The following PDS5A variants were observed in gnomAD, a reference collection of about 807,000 sequenced individuals.
PDS5A encodes sister chromatid cohesion protein PDS5 homolog A.
Under a neutral mutation model 167.1 loss-of-function variants are expected in PDS5A, and 42 were observed. The observed-to-expected ratio is 0.25, with a 90% CI of 0.20 to 0.33. The LOEUF is 0.33. Ranked by LOEUF, PDS5A falls within the 10% of genes least tolerant of loss-of-function variation. The pLI is 1.00. For synonymous variants in PDS5A, 553 were observed against 554.6 expected (o/e 1.00, Z 0.04); for missense variants, 1,033 against 1,605.9 (o/e 0.64, Z 6.10).
chr4:39,898,583 A>C, intron 15 of PDS5A, 55 bp from the exon 16 acceptor site: 2 of 1,219,510 alleles, frequency 1.6e-6, no homozygotes, highest in Non-Finnish European at 2.2e-6. Flanking sequence ...AAACTATTCT[A>C]CTAAGCTAAA....
chr4:39,957,786 CAAAAA>C (rs34253629), intron 2 of PDS5A, among the ~76,000 whole-genome samples: 2 of 87,792 alleles, frequency 2.3e-5, no homozygotes, highest in Admixed American at 1.3e-4. Context: ...GACTCCATCT[CAAAAA>C]AAAAAAAAAA....
chr4:39,906,008 T>A (rs1184930101), intron 11 of PDS5A, among the ~76,000 whole-genome samples: 5 of 146,358 alleles, frequency 3.4e-5, no homozygotes, highest in African/African-American at 7.6e-5. Context: ...GGAGATGAAG[T>A]AAAAAAAAAA....
At chr4:39,943,762 G>C (rs1400108942) in intron 2 of PDS5A, among the ~76,000 whole-genome samples, 2 of 150,258 alleles carry the variant, frequency 1.3e-5, no homozygotes, top group Non-Finnish European at 3.0e-5. Flanking sequence ...AGCCGAGATC[G>C]TATCACTGCA....
intron 11 of PDS5A, among the ~76,000 whole-genome samples, chr4:39,904,632 T>G (rs1723166979): frequency 6.6e-6 from 1 of 152,204 alleles, no homozygotes; most frequent in Non-Finnish European, 1.5e-5. Context: ...GCGCCCAGCC[T>G]ACAAACAATT....
chr4:39,937,853 T>G (rs1726775219), intron 2 of PDS5A, among the ~76,000 whole-genome samples: 1 of 152,252 alleles, frequency 6.6e-6, no homozygotes, highest in African/African-American at 2.4e-5. Flanking sequence ...CCTCTGGTGG[T>G]GCCCTAAAGC....
At chr4:39,889,143 G>A (rs1302436680) in intron 17 of PDS5A, among the ~76,000 whole-genome samples, 1 of 152,160 alleles carries the variant, frequency 6.6e-6, no homozygotes, top group African/African-American at 2.4e-5. Flanking sequence ...AAGATTGAAT[G>A]GGTGGGGCCT....
intron 2 of PDS5A, 89 bp downstream of exon 2, chr4:39,976,351 G>T: frequency 8.9e-7 from 1 of 1,125,092 alleles, no homozygotes; most frequent in Admixed American, 2.2e-5. Context: ...AAAAAACTTG[G>T]AACTTTAAAG....
intron 2 of PDS5A, among the ~76,000 whole-genome samples, chr4:39,930,585 G>C (rs115477197): frequency 3.4e-4 from 52 of 152,088 alleles, no homozygotes; most frequent in Admixed American, 1.2e-3. Context: ...CATTTTATTT[G>C]CTATTACATT....
intron 32 of PDS5A, among the ~76,000 whole-genome samples, chr4:39,829,795 C>A (rs925776174): frequency 2.6e-5 from 4 of 151,280 alleles, no homozygotes; most frequent in Non-Finnish European, 5.9e-5. Context: ...ACTAAAAATA[C>A]AAAAAATTAG....
At position 39,953,020 on chromosome 4, in the gene PDS5A, C is replaced by T. The variant is rs142452530; in HGVS notation, c.138+23420G>A. ...CTGGGATTACAGGCATGAGCCACCA[C>T]GTCAGTCCAGATCTGGAAATTAAAA... On this transcript the variant is annotated intron_variant, in intron 2 of 32. Transcript: ENST00000303538. 4.8e-3 allele frequency among the ~76,000 whole-genome samples: 732 copies of T among 152,200 alleles called. 8 individuals are homozygous for T. Among genetic ancestry groups the T allele is most frequent in the African/African-American group, 0.016 (660 of 41,548 alleles).
chr4:39,851,150 TAAC>T (rs1718087897), intron 26 of PDS5A, among the ~76,000 whole-genome samples: 2 of 152,128 alleles, frequency 1.3e-5, no homozygotes, highest in Admixed American at 6.6e-5. Context: ...GAATAATGAA[TAAC>T]AACAAATATA....
At chr4:39,904,305 G>A (rs142831080) in intron 11 of PDS5A, 114 bp from the exon 12 acceptor site, 144 of 542,138 alleles carry the variant, frequency 2.7e-4, no homozygotes, top group African/African-American at 2.5e-3. Flanking sequence ...TTATAAACTG[G>A]CACACTATTT....
At chr4:39,841,215 C>G (rs1047834915) in intron 31 of PDS5A, among the ~76,000 whole-genome samples, 1 of 152,238 alleles carries the variant, frequency 6.6e-6, no homozygotes, top group African/African-American at 2.4e-5. Flanking sequence ...TCTTAGCTCA[C>G]TGCAACCTCC....
chr4:39,948,179 G>A (rs1233663236), intron 2 of PDS5A, among the ~76,000 whole-genome samples: 1 of 139,904 alleles, frequency 7.1e-6, no homozygotes, highest in Non-Finnish European at 1.5e-5. Flanking sequence ...TTAAGCTCAG[G>A]AGGTAGGCAA....
rs574495418 is a variant in PDS5A, at chr4:39,823,193, G to A, written c.*2292C>T. The A allele has an allele frequency of 2.1e-4, 32 of 152,514 alleles. No individual in the cohort carries two copies. The highest frequency in any genetic ancestry group is 7.7e-4 in the African/African-American group (32 of 41,508). The allele number at this position is 152,514 out of a possible 1,614,324, so 9.4% of individuals were successfully genotyped here. A position where few individuals can be genotyped will look rare whatever the true frequency, so the allele number is the denominator to read the frequency against. On this transcript the variant is annotated 3_prime_UTR_variant, in exon 33 of 33. Coordinates refer to ENST00000303538, the MANE Select transcript of PDS5A (RefSeq NM_001100399.2). Reference sequence around the variant, plus strand: ...TGAGATGTGAATACCAAATTCCTAAGGGATTTTAATGTTTTCCTTTGAAAA... The same window carrying A: ...TGAGATGTGAATACCAAATTCCTAAAGGATTTTAATGTTTTCCTTTGAAAA...
intron 2 of PDS5A, among the ~76,000 whole-genome samples, chr4:39,962,096 T>A (rs1380917720): frequency 1.3e-5 from 2 of 152,228 alleles, no homozygotes; most frequent in East Asian, 3.9e-4. Flanking sequence ...CTCGCTCTGT[T>A]GCCCAGGATG....
chr4:39,885,310 A>AG (rs1024147341), intron 17 of PDS5A, among the ~76,000 whole-genome samples: 24 of 149,654 alleles, frequency 1.6e-4, no homozygotes, highest in South Asian at 4.2e-4. Flanking sequence ...AGAAGAGAAG[A>AG]GAAAAAAAAC....
At position 39,896,775 on chromosome 4, in the gene PDS5A, AAAG is replaced by A. The variant is rs200431094; in HGVS notation, c.1770+1611_1770+1613del. ...AGCAAAACCCTGTTTAAAAAAAAAA[AAAG>A]AAAGTTTTAAAACTTTTTTTTGTGC... is the stretch of plus-strand genomic sequence containing the variant. On this transcript the variant is annotated intron_variant, in intron 16 of 32. Transcript: ENST00000303538. 5.7e-3 allele frequency among the ~76,000 whole-genome samples: 870 copies of A among 151,870 alleles called. 7 individuals carry two copies. Among genetic ancestry groups the A allele is most frequent in the African/African-American group, 0.019 (798 of 41,516 alleles).
At chr4:39,849,406 A>C in intron 27 of PDS5A, 114 bp downstream of exon 27, 120 of 664,350 alleles carry the variant, frequency 1.8e-4, no homozygotes, top group Non-Finnish European at 1.9e-4. Flanking sequence ...TACTTTTGTA[A>C]ACATTCTAAA....
Sources: gnomAD v4.1 joint callset for allele counts (sites outside exome capture counted in the v4.1 genomes callset) on GRCh38, gnomAD v4.1.1 for gene constraint, MANE v1.5 for transcripts, NCBI Gene and HGNC (gene_info 2026-07-23, HGNC 2026-07-21) for gene names.